Variants in DNAAF9 observed in about 807,000 individuals in gnomAD.
DNAAF9 encodes the protein dynein axonemal assembly factor 9.
A neutral mutation model predicts 167.0 loss-of-function variants in DNAAF9; 90 were observed. The ratio of observed to expected loss-of-function variants is 0.54; its 90% CI spans 0.45 to 0.64. The LOEUF (loss-of-function observed/expected upper bound fraction) is 0.64, where lower values mean the gene tolerates loss of function less well. Ranked by LOEUF, DNAAF9 falls within the 30% of genes least tolerant of loss-of-function variation. The pLI, the probability that DNAAF9 is intolerant of heterozygous loss-of-function variation, is 0.00. For synonymous variants in DNAAF9, 491 were observed against 508.8 expected (o/e 0.96, Z 0.47); for missense variants, 1,315 against 1,442.2 (o/e 0.91, Z 1.43).
intron 7 of DNAAF9, among the ~76,000 whole-genome samples, chr20:3,354,526 C>T (rs959587819): frequency 2.6e-5 from 4 of 152,204 alleles, no homozygotes; most frequent in African/African-American, 9.7e-5. Context: ...TAGGCAAGGA[C>T]CGGCTTAAAT....
intron 23 of DNAAF9, chr20:3,296,298 G>T: frequency 2.6e-6 from 1 of 380,504 alleles, no homozygotes; most frequent in South Asian, 2.0e-5. Context: ...CGGGCCCGGC[G>T]CCCAACACCA....
intron 1 of DNAAF9, among the ~76,000 whole-genome samples, chr20:3,399,960 TA>T (rs1365128465): frequency 1.3e-5 from 2 of 152,214 alleles, no homozygotes; most frequent in Non-Finnish European, 2.9e-5. Flanking sequence ...AATTCATGTC[TA>T]CACCTATTTC....
At chr20:3,283,780 C>G (rs2068802089) in intron 27 of DNAAF9, among the ~76,000 whole-genome samples, 1 of 146,510 alleles carries the variant, frequency 6.8e-6, no homozygotes, top group African/African-American at 2.6e-5. Context: ...CAGGAGACTT[C>G]AGTGTAAGCA....
At chr20:3,265,473 A>G (rs1375652760) in intron 30 of DNAAF9, among the ~76,000 whole-genome samples, 1 of 148,220 alleles carries the variant, frequency 6.7e-6, no homozygotes, top group Admixed American at 6.8e-5. Flanking sequence ...AGGCCGAGGC[A>G]GGAGAATCAC....
chr20:3,344,864 T>G (rs1443625910), intron 8 of DNAAF9, among the ~76,000 whole-genome samples: 1 of 152,120 alleles, frequency 6.6e-6, no homozygotes, highest in Non-Finnish European at 1.5e-5. Flanking sequence ...AGTTGAAAAA[T>G]GAAAAATGGG....
intron 30 of DNAAF9, among the ~76,000 whole-genome samples, chr20:3,267,500 T>C (rs2068510421): frequency 6.8e-6 from 1 of 146,686 alleles, no homozygotes; most frequent in Non-Finnish European, 1.5e-5. Flanking sequence ...ATTACTATTC[T>C]GGTCCCTTTC....
chr20:3,318,850 G>A (rs568107711), intron 16 of DNAAF9, among the ~76,000 whole-genome samples: 24 of 152,042 alleles, frequency 1.6e-4, no homozygotes, highest in African/African-American at 5.3e-4. Context: ...AGGTTGAGGC[G>A]GGTGGATCAC....
chr20:3,271,028 G>A (rs141358591), intron 29 of DNAAF9, among the ~76,000 whole-genome samples: 3,024 of 152,050 alleles, frequency 0.02, 55 homozygotes, highest in Non-Finnish European at 0.032. Flanking sequence ...GGCTAGGCTG[G>A]TCTTGAACTC....
intron 1 of DNAAF9, among the ~76,000 whole-genome samples, chr20:3,389,683 G>C (rs190102985): frequency 1.3e-5 from 2 of 152,074 alleles, no homozygotes; most frequent in Admixed American, 1.3e-4. Context: ...TTCTTACAGT[G>C]TAAAAGGGAT....
At chr20:3,287,115 A>G (rs1191364478) in intron 27 of DNAAF9, among the ~76,000 whole-genome samples, 2 of 152,206 alleles carry the variant, frequency 1.3e-5, no homozygotes, top group African/African-American at 4.8e-5. Flanking sequence ...TGAGCTAGTC[A>G]GCCTATAATC....
At chr20:3,393,499 G>A (rs921659578) in intron 1 of DNAAF9, among the ~76,000 whole-genome samples, 1 of 152,064 alleles carries the variant, frequency 6.6e-6, no homozygotes, top group African/African-American at 2.4e-5. Context: ...GCAACAGAAT[G>A]ACATCTTGTG....
At chr20:3,338,893 A>C in intron 10 of DNAAF9, among the ~76,000 whole-genome samples, 1 of 151,754 alleles carries the variant, frequency 6.6e-6, no homozygotes, top group South Asian at 2.1e-4. Context: ...ACCTCAGGCA[A>C]TCCACCTGCC....
chr20:3,291,071 G>A (rs1452180758), intron 25 of DNAAF9, among the ~76,000 whole-genome samples: 1 of 152,154 alleles, frequency 6.6e-6, no homozygotes, highest in Non-Finnish European at 1.5e-5. Flanking sequence ...TTACAGGCGT[G>A]AGCCACCGCA....
intron 14 of DNAAF9, 151 bp downstream of exon 14, chr20:3,324,741 G>GA (rs1251878538): frequency 2.3e-5 from 14 of 615,298 alleles, no homozygotes; most frequent in African/African-American, 2.2e-4. Flanking sequence ...TCTAAGTGAA[G>GA]GCTGAATCAT....
At chr20:3,356,709 A>T (rs1328070806) in intron 7 of DNAAF9, among the ~76,000 whole-genome samples, 1 of 152,034 alleles carries the variant, frequency 6.6e-6, no homozygotes, top group African/African-American at 2.4e-5. Flanking sequence ...TCATTTCAGG[A>T]CCCACACATA....
rs1417676373 is a variant in DNAAF9 at position 3,280,329 on chromosome 20, G to C, written c.2612+1312C>G. 5.9e-5 allele frequency among the ~76,000 whole-genome samples: 9 copies of C among 152,172 alleles called. No homozygotes were observed. The East Asian group carries it at 1.8e-3, about 30-fold the overall frequency. ...TGTAATCCCAGCACTTTTGGAGGCT[G>C]AGATGGGCAGATCACCTGACGTTGG... On this transcript the variant is annotated intron_variant, in intron 28 of 36. Coordinates refer to ENST00000252032, the MANE Select transcript of DNAAF9 (RefSeq NM_001009984.3).
intron 6 of DNAAF9, chr20:3,362,090 G>C: frequency 1.4e-6 from 2 of 1,393,608 alleles, no homozygotes; most frequent in Admixed American, 3.6e-5. Context: ...ACAAAGGGGG[G>C]TGCTTCTGAG....
At chr20:3,311,538 A>T (rs933287258) in intron 20 of DNAAF9, among the ~76,000 whole-genome samples, 1 of 152,202 alleles carries the variant, frequency 6.6e-6, no homozygotes, top group Non-Finnish European at 1.5e-5. Context: ...GGCACAAGCC[A>T]CTGCACCTAG....
chr20:3,317,356 G>GT (rs1250771640), intron 17 of DNAAF9, among the ~76,000 whole-genome samples: 1 of 72,108 alleles, frequency 1.4e-5, no homozygotes, highest in African/African-American at 4.7e-5. Context: ...GCAAGACCTT[G>GT]TCTCAAAAAA....
Sources: allele counts gnomAD v4.1 joint callset (sites outside exome capture counted in the v4.1 genomes callset), GRCh38; gene constraint gnomAD v4.1.1; transcripts MANE v1.5; gene names NCBI Gene and HGNC (gene_info 2026-07-23, HGNC 2026-07-21).